The following PZP variants were observed in gnomAD, a reference collection of about 807,000 sequenced individuals.
PZP encodes pregnancy zone protein.
In PZP, 150 loss-of-function variants were observed where a neutral mutation model predicts 179.8. The ratio of observed to expected loss-of-function variants is 0.83; its 90% CI spans 0.73 to 0.96. PZP has a LOEUF of 0.96. Ranked by LOEUF, PZP falls within the 40% of genes least tolerant of loss-of-function variation. The probability of loss-of-function intolerance (pLI) is 0.00; values close to 1 mark genes in which losing one functional copy is unlikely to be tolerated. For synonymous variants in PZP, 624 were observed against 652.3 expected, an observed-to-expected ratio of 0.96 and a Z score of 0.66; for missense variants, 1,689 against 1,764.0, an observed-to-expected ratio of 0.96 and a Z score of 0.76.
chr12:9,191,599 G>A (rs1943459789), intron 13 of PZP, among the ~76,000 whole-genome samples: 1 of 152,116 alleles, frequency 6.6e-6, no homozygotes. Context: ...GTTTAGCTTA[G>A]GGGTGTGGTG....
intron 17 of PZP, 131 bp from the exon 18 acceptor site, chr12:9,166,333 G>A (rs1941584565): frequency 2.4e-6 from 2 of 823,620 alleles, no homozygotes; most frequent in Non-Finnish European, 3.7e-6. Context: ...AGAAGTTGTA[G>A]AACTTGGGAA....
chr12:9,150,754 G>A lies in PZP; in HGVS notation c.4282-8C>T, dbSNP rs1321233105. The A allele has an allele frequency of 5.1e-6, 8 of 1,576,514 alleles. No individual in the cohort carries two copies. In the South Asian group the frequency reaches 5.6e-5, roughly 11 times the overall value. ...TAGCGTCTGATTTGTCACCTGAAAG[G>A]AAAAGTGGGAGTAATCAAGAACCTA... is the stretch of plus-strand genomic sequence containing the variant. On this transcript the variant is annotated splice_polypyrimidine_tract_variant and splice_region_variant and intron_variant, in intron 33 of 35. Transcript: ENST00000261336.
chr12:9,206,968 G>A (rs1402812075), intron 1 of PZP, among the ~76,000 whole-genome samples: 1 of 152,178 alleles, frequency 6.6e-6, no homozygotes, highest in African/African-American at 2.4e-5. Context: ...TGGATGGAGA[G>A]CAGCTGGAAG....
chr12:9,138,154 C>A, the PZP span, among the ~76,000 whole-genome samples: 2 of 151,882 alleles, frequency 1.3e-5, no homozygotes, highest in South Asian at 4.1e-4. Flanking sequence ...ATCTATGGGC[C>A]TTTCATATAT....
intron 1 of PZP, 49 bp from the exon 2 acceptor site, chr12:9,204,000 G>A (rs374653966): frequency 1.2e-5 from 18 of 1,491,724 alleles, no homozygotes; most frequent in African/African-American, 5.6e-5. Context: ...GATAGTAAGC[G>A]TTTTCATCCA....
downstream of PZP, among the ~76,000 whole-genome samples, chr12:9,145,626 C>G (rs1413637122): frequency 6.6e-6 from 1 of 152,034 alleles, no homozygotes; most frequent in Non-Finnish European, 1.5e-5. Context: ...TTATATTTGC[C>G]TTTGCCAATC....
intron 11 of PZP, among the ~76,000 whole-genome samples, chr12:9,193,612 T>C (rs374860251): frequency 2.0e-5 from 3 of 152,186 alleles, no homozygotes; most frequent in African/African-American, 7.2e-5. Flanking sequence ...TTATTGACAC[T>C]GAAATCCATA....
At chr12:9,160,082 T>C (rs1487591999) in intron 24 of PZP, 57 bp from the exon 25 acceptor site, 2 of 1,507,870 alleles carry the variant, frequency 1.3e-6, no homozygotes, top group Non-Finnish European at 1.8e-6. Context: ...AGGCCATCCA[T>C]ATGTTTAGGC....
At chr12:9,208,237 A>G in intron 1 of PZP, 22 bp downstream of exon 1, 1 of 1,592,198 alleles carries the variant, frequency 6.3e-7, no homozygotes, top group South Asian at 1.1e-5. Context: ...CTCTGGAGGA[A>G]GGGGTCTTGA....
chr12:9,144,076 A>G (rs1469207926), downstream of PZP, among the ~76,000 whole-genome samples: 1 of 152,224 alleles, frequency 6.6e-6, no homozygotes, highest in African/African-American at 2.4e-5. Context: ...AGGGGAAGGC[A>G]GATCTTACCA....
Position 9,182,061 on chromosome 12 carries a change from G to A in PZP, c.1603C>T (p.Arg535Ter), listed in dbSNP as rs779509523. 20 of 1,613,774 alleles carry A rather than the reference G, an allele frequency of 1.2e-5. No individual in the cohort carries two copies. The highest frequency in any genetic ancestry group is 1.7e-4 in the Middle Eastern group (1 of 6,060). The change falls in exon 14 of 36, where the codon CGA (arginine) becomes TGA (stop). Residue 535 changes from arginine (R) to a stop codon, truncating the protein, a stop_gained. Transcript: ENST00000261336. LOFTEE classifies it high-confidence loss of function. ...PVESDVAPIA[R>*]MFIFAILPDG... is the part of the protein sequence containing the mutation. Reference sequence around the variant, plus strand: ...GGTAAAATGGCAAAGATGAACATTCGTGCAATGGGGGCAACGTCTGACTCC... The same window carrying A: ...GGTAAAATGGCAAAGATGAACATTCATGCAATGGGGGCAACGTCTGACTCC...
At chr12:9,207,254 T>C (rs536609404) in intron 1 of PZP, among the ~76,000 whole-genome samples, 1 of 152,188 alleles carries the variant, frequency 6.6e-6, no homozygotes, top group Non-Finnish European at 1.5e-5. Flanking sequence ...GGAGACACGA[T>C]AGGCATCTAG....
At chr12:9,188,930 A>G (rs977956450) in intron 13 of PZP, among the ~76,000 whole-genome samples, 2 of 152,190 alleles carry the variant, frequency 1.3e-5, no homozygotes, top group African/African-American at 2.4e-5. Flanking sequence ...AAGAATCAGT[A>G]TGAAAATGGT....
chr12:9,204,335 T>A (rs933348932), intron 1 of PZP, among the ~76,000 whole-genome samples: 1 of 152,016 alleles, frequency 6.6e-6, no homozygotes, highest in Non-Finnish European at 1.5e-5. Context: ...ATATAAAAAA[T>A]TGGGAGTGAT....
chr12:9,162,402 C>T, intron 22 of PZP, 195 bp downstream of exon 22: 2 of 568,670 alleles, frequency 3.5e-6, no homozygotes, highest in South Asian at 2.2e-5. Flanking sequence ...GTCTGTACCA[C>T]CTGAGTCACA....
intron 12 of PZP, 43 bp downstream of exon 12, chr12:9,192,469 C>T: frequency 6.4e-7 from 1 of 1,557,710 alleles, no homozygotes; most frequent in Non-Finnish European, 8.8e-7. Context: ...CCACTTTTGT[C>T]CTACTGATAA....
intron 29 of PZP, among the ~76,000 whole-genome samples, chr12:9,153,736 TC>T (rs2120545962): frequency 6.6e-6 from 1 of 152,292 alleles, no homozygotes; most frequent in East Asian, 1.9e-4. Flanking sequence ...AGTTGCACTT[TC>T]TTGAGTTTCT....
rs186612254 is a variant in PZP at position 9,193,727 on chromosome 12, G to A, written c.1254+350C>T. Among the ~76,000 whole-genome samples the A allele has an allele frequency of 3.3e-3, 496 of 152,288 alleles. 4 individuals carry two copies. Among genetic ancestry groups the A allele is most frequent in the African/African-American group, 0.011 (464 of 41,558 alleles). ...TAGACAGTGTATATTAAGTGTGTGT[G>A]TGTGTGATCACTTTACAAAATTTCT... On this transcript the variant is annotated intron_variant, in intron 11 of 35. Transcript: ENST00000261336.
chr12:9,181,820 C>G (rs1345383544), intron 14 of PZP, among the ~76,000 whole-genome samples, 155 bp downstream of exon 14: 2 of 152,174 alleles, frequency 1.3e-5, no homozygotes, highest in Non-Finnish European at 1.5e-5. Flanking sequence ...AAGTGCTGTA[C>G]TAGATCCCTA....
Sources: allele counts gnomAD v4.1 joint callset (sites outside exome capture counted in the v4.1 genomes callset), GRCh38; gene constraint gnomAD v4.1.1; transcripts MANE v1.5; gene names NCBI Gene and HGNC (gene_info 2026-07-23, HGNC 2026-07-21).